Variants in GBE1 observed in about 807,000 individuals in gnomAD.
GBE1 encodes 1,4-alpha-glucan-branching enzyme.
Under a neutral mutation model 88.8 loss-of-function variants are expected in GBE1, and 70 were observed. The ratio of observed to expected loss-of-function variants is 0.79; its 90% confidence interval spans 0.65 to 0.96. The LOEUF is 0.96. Ranked by LOEUF, GBE1 falls within the 40% of genes least tolerant of loss-of-function variation. GBE1 has a pLI of 0.00. For missense variants in GBE1, 872 were observed against 871.0 expected, an observed-to-expected ratio of 1.00 and a Z score of -0.01; for synonymous variants, 284 against 300.1, an observed-to-expected ratio of 0.95 and a Z score of 0.56.
At chr3:81,632,877 G>A (rs964045957) in intron 7 of GBE1, among the ~76,000 whole-genome samples, 1 of 152,102 alleles carries the variant, frequency 6.6e-6, no homozygotes, top group Non-Finnish European at 1.5e-5. Flanking sequence ...GCTGTTTGCT[G>A]CTGCACGTAA....
intron 2 of GBE1, among the ~76,000 whole-genome samples, chr3:81,683,462 T>C (rs1265102709): frequency 2.0e-5 from 3 of 152,170 alleles, no homozygotes; most frequent in African/African-American, 4.8e-5. Context: ...CTGAAGACTC[T>C]ATGAAGAAAA....
chr3:81,750,599 A>C, intron 1 of GBE1, among the ~76,000 whole-genome samples: 1 of 36,652 alleles, frequency 2.7e-5, no homozygotes, highest in Non-Finnish European at 5.0e-5. Context: ...GTATATATAT[A>C]TGTGTATATA....
intron 1 of GBE1, among the ~76,000 whole-genome samples, chr3:81,738,770 A>T (rs1706309583): frequency 6.6e-6 from 1 of 152,184 alleles, no homozygotes; most frequent in South Asian, 2.1e-4. Flanking sequence ...TTTAATCCTC[A>T]TAAAATGTTG....
chr3:81,675,150 C>T (rs1346139200), intron 2 of GBE1, among the ~76,000 whole-genome samples: 2 of 152,020 alleles, frequency 1.3e-5, no homozygotes, highest in Non-Finnish European at 2.9e-5. Flanking sequence ...TTAGAAACAA[C>T]TGCCCTAGTT....
At chr3:81,493,825 TC>T (rs1424046429) in intron 15 of GBE1, among the ~76,000 whole-genome samples, 2 of 141,278 alleles carry the variant, frequency 1.4e-5, no homozygotes, top group Non-Finnish European at 3.1e-5. Context: ...ACCACACCCA[TC>T]CGAGAGGGTT....
At chr3:81,611,454 A>AAT (rs1482253989) in intron 7 of GBE1, among the ~76,000 whole-genome samples, 1 of 152,188 alleles carries the variant, frequency 6.6e-6, no homozygotes, top group Admixed American at 6.6e-5. Context: ...CCCAGGGTAT[A>AAT]ATATTCAAAG....
chr3:81,649,048 C>A (rs1255129124), intron 4 of GBE1, 57 bp from the exon 5 acceptor site: 1 of 1,150,152 alleles, frequency 8.7e-7, no homozygotes, highest in Non-Finnish European at 1.2e-6. Context: ...ATGACACTAC[C>A]TGATCAAGTA....
At chr3:81,555,064 G>T (rs1490398640) in intron 12 of GBE1, among the ~76,000 whole-genome samples, 9 of 152,166 alleles carry the variant, frequency 5.9e-5, no homozygotes, top group Admixed American at 5.9e-4. Context: ...ATGACAGCTG[G>T]TGGGAAACAC....
At chr3:81,542,529 A>C (rs79287431) in intron 12 of GBE1, among the ~76,000 whole-genome samples, 6,101 of 152,170 alleles carry the variant, frequency 0.04, 412 homozygotes, top group African/African-American at 0.14. Context: ...ATATTTCTTA[A>C]TGTATATGTT....
intron 3 of GBE1, among the ~76,000 whole-genome samples, chr3:81,666,194 A>G (rs974011773): frequency 3.3e-5 from 5 of 152,224 alleles, no homozygotes; most frequent in African/African-American, 1.2e-4. Flanking sequence ...GCATATAAAT[A>G]CAGGGAGGCA....
chr3:81,543,377 T>C (rs1225272981), intron 12 of GBE1, among the ~76,000 whole-genome samples: 1 of 152,096 alleles, frequency 6.6e-6, no homozygotes, highest in East Asian at 1.9e-4. Flanking sequence ...AAGGGGCAAA[T>C]TAAGTTTAAT....
rs181739305 is a variant in GBE1, at chr3:81,630,045, C to T, written c.992+12736G>A. 4.1e-3 allele frequency among the ~76,000 whole-genome samples: 618 copies of T among 152,212 alleles called. 3 individuals are homozygous for T. Among genetic ancestry groups the T allele is most frequent in the African/African-American group, 0.014 (587 of 41,534 alleles). The stretch of plus-strand genomic sequence containing the variant: ...TCCATGTCCCTACCAAGGACATGAA[C>T]TCATCATTTTTTATGGCTGCATGGT... On this transcript the variant is annotated intron_variant, in intron 7 of 15. Transcript: ENST00000429644.
chr3:81,641,841 T>A (rs1174480737), intron 7 of GBE1, among the ~76,000 whole-genome samples: 1 of 151,448 alleles, frequency 6.6e-6, no homozygotes, highest in Non-Finnish European at 1.5e-5. Flanking sequence ...GGTATATTTA[T>A]GTTTATGTAT....
intron 7 of GBE1, among the ~76,000 whole-genome samples, chr3:81,622,504 C>T (rs1467306093): frequency 6.6e-6 from 1 of 152,194 alleles, no homozygotes; most frequent in Non-Finnish European, 1.5e-5. Flanking sequence ...CTGATACAAG[C>T]TCACTGCTTT....
Position 81,748,424 on chromosome 3 carries a change from ACACTGTGAAACCC to A in GBE1, c.143+12938_143+12950del, listed in dbSNP as rs528417113. The stretch of plus-strand genomic sequence containing the variant: ...CAAGAGATTGAAACCATCCTGGCTA[ACACTGTGAAACCC>A]CGTCTCTACTAAAAATACAAAAAAT... On this transcript the variant is annotated intron_variant, in intron 1 of 15. Coordinates refer to ENST00000429644, the MANE Select transcript of GBE1 (RefSeq NM_000158.4). 2.4e-3 allele frequency among the ~76,000 whole-genome samples: 364 copies of A among 152,218 alleles called. 5 individuals are homozygous for A. The highest frequency in any genetic ancestry group is 8.4e-3 in the African/African-American group (349 of 41,546).
intron 14 of GBE1, among the ~76,000 whole-genome samples, chr3:81,517,423 T>A (rs1323265329): frequency 2.0e-5 from 3 of 151,462 alleles, no homozygotes; most frequent in Non-Finnish European, 3.0e-5. Context: ...AACCAAAAAA[T>A]TTGTGTGACT....
intron 1 of GBE1, among the ~76,000 whole-genome samples, chr3:81,748,720 T>C (rs778443910): frequency 2.0e-5 from 3 of 150,740 alleles, no homozygotes; most frequent in Non-Finnish European, 3.0e-5. Context: ...CTGTAGAAAA[T>C]ATCTGGAGGC....
At chr3:81,590,383 G>C (rs1211317545) in intron 9 of GBE1, among the ~76,000 whole-genome samples, 12 of 152,160 alleles carry the variant, frequency 7.9e-5, no homozygotes, top group African/African-American at 2.9e-4. Flanking sequence ...AGAGAACTTA[G>C]AAAACCAGAG....
At chr3:81,728,959 G>T (rs1258546474) in intron 1 of GBE1, among the ~76,000 whole-genome samples, 1 of 151,756 alleles carries the variant, frequency 6.6e-6, no homozygotes, top group East Asian at 1.9e-4. Flanking sequence ...TGTGGGGACT[G>T]CATTAGAGTA....
Sources: gnomAD v4.1 joint callset for allele counts (sites outside exome capture counted in the v4.1 genomes callset) on GRCh38, gnomAD v4.1.1 for gene constraint, MANE v1.5 for transcripts, NCBI Gene and HGNC (gene_info 2026-07-23, HGNC 2026-07-21) for gene names.